The following PHACTR1 variants were observed in gnomAD, a reference collection of about 807,000 sequenced individuals.
PHACTR1 encodes the protein RPEL repeat containing 1.
A neutral mutation model predicts 69.2 loss-of-function variants in PHACTR1; 16 were observed. The ratio of observed to expected loss-of-function variants is 0.23; its 90% CI spans 0.16 to 0.35. PHACTR1 has a LOEUF of 0.35. PHACTR1 is among the 10% of genes least tolerant of loss of function. PHACTR1 has a pLI of 1.00. For missense variants in PHACTR1, 510 were observed against 734.7 expected, an observed-to-expected ratio of 0.69 and a Z score of 3.54; for synonymous variants, 312 against 284.5, an observed-to-expected ratio of 1.10 and a Z score of -0.97.
At chr6:13,013,708 C>T (rs1260624776) in intron 4 of PHACTR1, among the ~76,000 whole-genome samples, 3 of 151,638 alleles carry the variant, frequency 2.0e-5, no homozygotes, top group Non-Finnish European at 4.4e-5. Context: ...TTGGCTGGGG[C>T]AGCGAGGTCG....
intron 4 of PHACTR1, among the ~76,000 whole-genome samples, chr6:12,913,455 T>C (rs965774388): frequency 2.0e-5 from 3 of 152,186 alleles, no homozygotes; most frequent in Non-Finnish European, 4.4e-5. Context: ...TCTGAGACCA[T>C]GTCTCCCCAG....
At chr6:12,763,748 T>C (rs1459103075) in intron 4 of PHACTR1, among the ~76,000 whole-genome samples, 1 of 152,226 alleles carries the variant, frequency 6.6e-6, no homozygotes, top group Non-Finnish European at 1.5e-5. Context: ...AATATGAATG[T>C]AATGTCAATA....
chr6:12,890,637 C>T (rs1236850599), intron 4 of PHACTR1, among the ~76,000 whole-genome samples: 2 of 152,150 alleles, frequency 1.3e-5, no homozygotes, highest in Admixed American at 1.3e-4. Context: ...GTTCGGTTTC[C>T]CTTTGCCTGG....
chr6:12,886,757 C>T (rs1399009869), intron 4 of PHACTR1, among the ~76,000 whole-genome samples: 1 of 152,052 alleles, frequency 6.6e-6, no homozygotes, highest in Non-Finnish European at 1.5e-5. Flanking sequence ...GGGAGAAGTG[C>T]TCTTTCGTTT....
intron 4 of PHACTR1, among the ~76,000 whole-genome samples, chr6:12,843,763 G>GA (rs1251718852): frequency 6.6e-6 from 1 of 152,194 alleles, no homozygotes; most frequent in Admixed American, 6.5e-5. Context: ...ATGAGTAACA[G>GA]ACTTCATAGT....
chr6:12,984,325 C>CT (rs1471308959), intron 4 of PHACTR1, among the ~76,000 whole-genome samples: 1 of 152,056 alleles, frequency 6.6e-6, no homozygotes, highest in Non-Finnish European at 1.5e-5. Context: ...AGAGTGTGGC[C>CT]TTTTTTGTTG....
intron 4 of PHACTR1, among the ~76,000 whole-genome samples, chr6:12,793,464 A>C (rs1772587379): frequency 6.6e-6 from 1 of 152,234 alleles, no homozygotes; most frequent in African/African-American, 2.4e-5. Flanking sequence ...GAACAAAAGG[A>C]AAATTTAATA....
intron 4 of PHACTR1, among the ~76,000 whole-genome samples, chr6:12,848,137 C>G (rs1302040482): frequency 6.6e-6 from 1 of 152,026 alleles, no homozygotes; most frequent in African/African-American, 2.4e-5. Context: ...TTTCATTAAT[C>G]CATCCATAAC....
intron 4 of PHACTR1, among the ~76,000 whole-genome samples, chr6:12,753,186 G>C (rs1766832832): frequency 6.6e-6 from 1 of 152,328 alleles, no homozygotes; most frequent in East Asian, 1.9e-4. Flanking sequence ...TTCTCACTTA[G>C]AATGAACCCA....
chr6:12,787,994 TA>T (rs1035356356), intron 4 of PHACTR1, among the ~76,000 whole-genome samples: 1 of 151,732 alleles, frequency 6.6e-6, no homozygotes, highest in Non-Finnish European at 1.5e-5. Flanking sequence ...CTGTCTCTAG[TA>T]AAAAATAGAA....
rs139028188 is a variant in PHACTR1, at chr6:13,051,095, G to A, written c.251-2270G>A. 2.0e-3 allele frequency among the ~76,000 whole-genome samples: 311 copies of A among 152,148 alleles called. 2 individuals are homozygous for A. Among genetic ancestry groups the A allele is most frequent in the African/African-American group, 7.4e-3 (305 of 41,488 alleles). ...ACAAATCTAATTGCATCCTGATCAC[G>A]TACCTTCTCGATCAGGCCGACCCCC... On this transcript the variant is annotated intron_variant, in intron 4 of 14. Coordinates refer to ENST00000332995, the MANE Select transcript of PHACTR1 (RefSeq NM_030948.6).
At chr6:13,150,789 A>G (rs376271884) in intron 5 of PHACTR1, among the ~76,000 whole-genome samples, 1 of 152,172 alleles carries the variant, frequency 6.6e-6, no homozygotes, top group South Asian at 2.1e-4. Context: ...TATATTGTTT[A>G]TATAAACTTA....
chr6:13,276,600 C>T (rs1452681614), intron 11 of PHACTR1, among the ~76,000 whole-genome samples: 2 of 152,012 alleles, frequency 1.3e-5, no homozygotes, highest in Admixed American at 1.3e-4. Flanking sequence ...GGTGAAACCC[C>T]ATCTCTACTA....
rs1267979162 is a variant in PHACTR1, at chr6:13,227,872, G to T, written c.1043G>T (p.Gly348Val). Residue 348 changes from glycine to valine, a missense_variant, in exon 9 of 15, where the codon GGT becomes GTT. Coordinates refer to ENST00000332995, the MANE Select transcript of PHACTR1 (RefSeq NM_030948.6). ...TACCACAGCTCTGGGTTGCACTCGG[G>T]TGATGGGGTCACCAAAGCAGGACCT... is the stretch of plus-strand genomic sequence containing the variant. ...TSYHSSGLHS[G>V]DGVTKAGPMG... is the part of the protein sequence containing the mutation. 3.1e-6 allele frequency: 5 copies of T among 1,613,882 alleles called. No homozygotes were observed. Among genetic ancestry groups the T allele is most frequent in the Non-Finnish European group, 4.2e-6 (5 of 1,179,902 alleles).
chr6:12,735,291 A>C (rs1320530935), intron 3 of PHACTR1, among the ~76,000 whole-genome samples: 3 of 152,228 alleles, frequency 2.0e-5, no homozygotes, highest in African/African-American at 7.2e-5. Flanking sequence ...AGAAGCCACA[A>C]GACATTTTAT....
chr6:13,240,817 G>A lies in PHACTR1; in HGVS notation c.1391+10624G>A, dbSNP rs149396376. Among the ~76,000 whole-genome samples, 355 of 152,262 alleles carry A rather than the reference G, an allele frequency of 2.3e-3. 1 individual carries two copies. The highest frequency in any genetic ancestry group is 8.0e-3 in the African/African-American group (333 of 41,548). ...AAGACCTCTCAGGGCGAAGGTCCCT[G>A]ATACGTGCCATTTATAACTTTAAAG... On this transcript the variant is annotated intron_variant, in intron 10 of 14. Coordinates refer to ENST00000332995, the MANE Select transcript of PHACTR1 (RefSeq NM_030948.6).
In PHACTR1 at chr6:13,144,514, C is replaced by T. The variant is rs141459757; in HGVS notation, c.416-15690C>T. On this transcript the variant is annotated intron_variant, in intron 5 of 14. Transcript: ENST00000332995. ...TAGAAGACTCAATATTGTAAAGATGCCAGTCCTCCCTAAATTGATCTCAAG... is the reference window on the plus strand; with the variant it reads ...TAGAAGACTCAATATTGTAAAGATGTCAGTCCTCCCTAAATTGATCTCAAG... 2.0e-3 allele frequency among the ~76,000 whole-genome samples: 303 copies of T among 152,072 alleles called. 2 individuals are homozygous for T. Among genetic ancestry groups the T allele is most frequent in the African/African-American group, 7.1e-3 (293 of 41,482 alleles).
chr6:12,963,131 T>G (rs1265771351), intron 4 of PHACTR1, among the ~76,000 whole-genome samples: 1 of 152,230 alleles, frequency 6.6e-6, no homozygotes, highest in East Asian at 1.9e-4. Context: ...AGACAGGAAG[T>G]CCAGCTCATA....
chr6:13,269,295 G>T (rs1777278172), intron 10 of PHACTR1, among the ~76,000 whole-genome samples: 1 of 152,200 alleles, frequency 6.6e-6, no homozygotes, highest in African/African-American at 2.4e-5. Flanking sequence ...AAACTGGCAG[G>T]TGAGAAAGAG....
Sources: allele counts gnomAD v4.1 joint callset (sites outside exome capture counted in the v4.1 genomes callset), GRCh38; gene constraint gnomAD v4.1.1; transcripts MANE v1.5; gene names NCBI Gene and HGNC (gene_info 2026-07-23, HGNC 2026-07-21).